Variants in SPPL3 observed in about 807,000 individuals in gnomAD.
SPPL3 encodes the protein signal peptide peptidase like 3.
A neutral mutation model predicts 42.4 loss-of-function variants in SPPL3; 5 were observed. That is an observed-to-expected ratio of 0.12 (90% CI 0.06 to 0.25). The LOEUF is 0.25. Ranked by LOEUF, SPPL3 falls within the 10% of genes least tolerant of loss-of-function variation. SPPL3 has a pLI of 1.00. For missense variants in SPPL3, 235 were observed against 489.0 expected (o/e 0.48, Z 4.90); for synonymous variants, 195 against 181.8 (o/e 1.07, Z -0.58).
chr12:120,818,419 C>T (rs3898974), intron 1 of SPPL3, among the ~76,000 whole-genome samples: 4 of 152,282 alleles, frequency 2.6e-5, no homozygotes, highest in Admixed American at 1.3e-4. Flanking sequence ...CCAGAAATGT[C>T]TCTCATATAC....
rs892424949 is a variant in SPPL3 at position 120,768,327 on chromosome 12, T to C, written c.771A>G (p.Pro257=). The change falls in exon 8 of 11, where the codon CCA becomes CCG. Residue 257 remains proline, a splice_region_variant and synonymous_variant. Coordinates refer to ENST00000353487, the MANE Select transcript of SPPL3 (RefSeq NM_139015.5). ...RLSLPGKLVF[P]SSTGSHFSML... is the part of the protein sequence containing the mutation. ...CCTGTCATAGCATGAGGTCTTACCT[T>C]GGGAAGACCAGTTTTCCAGGCAGAG... The C allele has an allele frequency of 3.1e-6, 5 of 1,613,020 alleles. No individual in the cohort carries two copies. Among genetic ancestry groups the C allele is most frequent in the African/African-American group, 1.3e-5 (1 of 74,900 alleles).
At chr12:120,776,371 C>A (rs1463800884) in intron 6 of SPPL3, among the ~76,000 whole-genome samples, 1 of 152,118 alleles carries the variant, frequency 6.6e-6, no homozygotes, top group South Asian at 2.1e-4. Flanking sequence ...GTCAACTGTA[C>A]AGTCTAGAGG....
chr12:120,854,030 A>G (rs1051529423), intron 1 of SPPL3, among the ~76,000 whole-genome samples: 8 of 149,698 alleles, frequency 5.3e-5, no homozygotes, highest in South Asian at 4.2e-4. Flanking sequence ...ACACACGGGG[A>G]AAAAAAAGGC....
chr12:120,869,391 T>C (rs1261542697), intron 1 of SPPL3, among the ~76,000 whole-genome samples: 3 of 152,386 alleles, frequency 2.0e-5, no homozygotes, highest in African/African-American at 7.2e-5. Flanking sequence ...TGTGTTTATA[T>C]GTAAAATATT....
At chr12:120,900,000 G>T (rs1873925428) in intron 1 of SPPL3, among the ~76,000 whole-genome samples, 2 of 151,320 alleles carry the variant, frequency 1.3e-5, no homozygotes, top group African/African-American at 2.4e-5. Context: ...GATAGAATTT[G>T]CTAGGAAGAG....
chr12:120,819,931 T>C (rs1379069429), intron 1 of SPPL3, among the ~76,000 whole-genome samples: 1 of 152,190 alleles, frequency 6.6e-6, no homozygotes, highest in Non-Finnish European at 1.5e-5. Flanking sequence ...TTACCCACCA[T>C]TGCTTTGCCA....
intron 2 of SPPL3, among the ~76,000 whole-genome samples, chr12:120,810,013 C>T (rs1272370068): frequency 6.6e-6 from 1 of 151,334 alleles, no homozygotes; most frequent in Non-Finnish European, 1.5e-5. Context: ...GGCTCTGTTG[C>T]CCAAGCTGGA....
intron 1 of SPPL3, among the ~76,000 whole-genome samples, chr12:120,812,932 T>C (rs1014299548): frequency 3.9e-5 from 6 of 152,170 alleles, no homozygotes; most frequent in African/African-American, 1.2e-4. Context: ...GAGGGAGACG[T>C]TGCCAACCAT....
rs951838532 is a variant in SPPL3, at chr12:120,791,794, C to T, written c.102-237G>A. 5 of 445,846 alleles carry T rather than the reference C, an allele frequency of 1.1e-5. No individual in the cohort carries two copies. The East Asian group carries it at 1.4e-4, about 13-fold the overall frequency. The allele number at this position is 445,846 out of a possible 1,614,324, so 27.6% of individuals were successfully genotyped here. ...TCCCAATGCAGCTGAATCTTCCACT[C>T]CTATCTCTGAGCATATCATATCCTT... On this transcript the variant is annotated intron_variant, in intron 2 of 10. Transcript: ENST00000353487.
chr12:120,814,896 G>A (rs1870814978), intron 1 of SPPL3, among the ~76,000 whole-genome samples: 2 of 152,096 alleles, frequency 1.3e-5, no homozygotes, highest in South Asian at 4.1e-4. Context: ...AAATCTTTCT[G>A]TATCAGGATG....
intron 1 of SPPL3, among the ~76,000 whole-genome samples, chr12:120,899,046 A>T (rs1331426782): frequency 6.6e-6 from 1 of 152,194 alleles, no homozygotes; most frequent in Non-Finnish European, 1.5e-5. Flanking sequence ...AATATACAGG[A>T]AGAAAGGTGT....
At chr12:120,897,941 A>C (rs1288665639) in intron 1 of SPPL3, among the ~76,000 whole-genome samples, 1 of 152,136 alleles carries the variant, frequency 6.6e-6, no homozygotes, top group African/African-American at 2.4e-5. Context: ...ATTTGCAAAT[A>C]CCTGACATGT....
At chr12:120,875,890 TAAAG>T (rs550851546) in intron 1 of SPPL3, among the ~76,000 whole-genome samples, 113 of 152,130 alleles carry the variant, frequency 7.4e-4, no homozygotes, top group African/African-American at 2.6e-3. Flanking sequence ...ATTAAAAAGA[TAAAG>T]AAAATACATA....
At chr12:120,827,715 C>T (rs1026236804) in intron 1 of SPPL3, among the ~76,000 whole-genome samples, 6 of 152,174 alleles carry the variant, frequency 3.9e-5, no homozygotes, top group African/African-American at 1.2e-4. Context: ...TGAATCAAAA[C>T]GCACCCTCCA....
At chr12:120,854,483 T>A (rs1566061526) in intron 1 of SPPL3, among the ~76,000 whole-genome samples, 2 of 152,226 alleles carry the variant, frequency 1.3e-5, no homozygotes, top group Admixed American at 1.3e-4. Flanking sequence ...ATGGCAGCTA[T>A]GTGCTGTGTG....
intron 1 of SPPL3, among the ~76,000 whole-genome samples, chr12:120,870,792 G>A (rs751892909): frequency 1.3e-5 from 2 of 152,110 alleles, no homozygotes; most frequent in Non-Finnish European, 2.9e-5. Context: ...CAAATTCATA[G>A]ACAGTGGAAT....
chr12:120,771,993 T>C (rs1869141027), intron 6 of SPPL3, among the ~76,000 whole-genome samples: 1 of 152,224 alleles, frequency 6.6e-6, no homozygotes, highest in African/African-American at 2.4e-5. Flanking sequence ...TCTCAGAGTC[T>C]TTCCTGATCC....
At chr12:120,799,733 G>A (rs927280592) in intron 2 of SPPL3, among the ~76,000 whole-genome samples, 1 of 152,206 alleles carries the variant, frequency 6.6e-6, no homozygotes, top group African/African-American at 2.4e-5. Context: ...GCACAAAACA[G>A]AAATGGGGCA....
intron 1 of SPPL3, among the ~76,000 whole-genome samples, chr12:120,814,761 T>C (rs143397593): frequency 2.6e-5 from 4 of 152,316 alleles, no homozygotes; most frequent in Non-Finnish European, 5.9e-5. Flanking sequence ...TAGTTTCTTA[T>C]CTAGCCTTTT....
Sources: allele counts gnomAD v4.1 joint callset (sites outside exome capture counted in the v4.1 genomes callset), GRCh38; gene constraint gnomAD v4.1.1; transcripts MANE v1.5; gene names NCBI Gene and HGNC (gene_info 2026-07-23, HGNC 2026-07-21).